The following ZNF487 variants were observed in gnomAD, a reference collection of about 807,000 sequenced individuals.
ZNF487 encodes the protein zinc finger protein 487.
Under a neutral mutation model 3.0 loss-of-function variants are expected in ZNF487, and 4 were observed. The observed-to-expected ratio is 1.35, with a 90% CI of 0.66 to 3.08. ZNF487 has a LOEUF of 3.08. Ranked by LOEUF, ZNF487 falls within the 30% of genes most tolerant of loss-of-function variation. ZNF487 has a pLI of 0.01. For synonymous variants in ZNF487, 55 were observed against 34.6 expected (o/e 1.59, Z -2.06); for missense variants, 146 against 98.7 (o/e 1.48, Z -2.03).
chr10:43,520,108 C>T, the ZNF487 span, among the ~76,000 whole-genome samples: 2 of 152,144 alleles, frequency 1.3e-5, no homozygotes, highest in South Asian at 4.1e-4. Flanking sequence ...TTCATGTACA[C>T]AAAATGACTG....
chr10:43,514,071 G>A, the ZNF487 span, among the ~76,000 whole-genome samples: 20 of 152,156 alleles, frequency 1.3e-4, no homozygotes, highest in African/African-American at 4.6e-4. Flanking sequence ...AGGGGTTCTG[G>A]ATCTGTAAAC....
At chr10:43,520,685 G>C in the ZNF487 span, among the ~76,000 whole-genome samples, 1 of 152,220 alleles carries the variant, frequency 6.6e-6, no homozygotes, top group Non-Finnish European at 1.5e-5. Flanking sequence ...TAACTGTAAA[G>C]ATTTATGAAG....
At chr10:43,437,528 C>G (rs1218216218) in intron 1 of ZNF487, among the ~76,000 whole-genome samples, 1 of 152,080 alleles carries the variant, frequency 6.6e-6, no homozygotes, top group Non-Finnish European at 1.5e-5. Context: ...GAGTCCTGGA[C>G]GAGTGACCCT....
rs143170232 is a variant in ZNF487 at position 43,482,124 on chromosome 10, A to G, written c.*202A>G. On this transcript the variant is annotated 3_prime_UTR_variant, in exon 4 of 4. Coordinates refer to ENST00000437590, the MANE Select transcript of ZNF487 (RefSeq NM_001355444.3). ...GTGAGAATAGTTTTGGCAAGAAATC[A>G]CTCCTCATTCTACAAAGTTACAGAG... 1 of 565,380 alleles carries G rather than the reference A, an allele frequency of 1.8e-6. No individual in the cohort carries two copies. The highest frequency in any genetic ancestry group is 3.3e-5 in the Admixed American group (1 of 30,480). 35.0% of individuals were successfully genotyped at this position (565,380 alleles called of 1,614,324 possible). A position where few individuals can be genotyped will look rare whatever the true frequency, so the allele number is the denominator to read the frequency against.
intron 1 of ZNF487, among the ~76,000 whole-genome samples, chr10:43,468,861 C>T (rs1374238916): frequency 2.0e-5 from 3 of 148,542 alleles, no homozygotes; most frequent in South Asian, 2.2e-4. Context: ...TAGTGGTGGG[C>T]GCCTGTAGTC....
At chr10:43,442,268 CAAAAAA>C (rs1215789961) in intron 1 of ZNF487, among the ~76,000 whole-genome samples, 1 of 133,672 alleles carries the variant, frequency 7.5e-6, no homozygotes, top group African/African-American at 2.7e-5. Flanking sequence ...ACAACAACAA[CAAAAAA>C]AAAACAAAGA....
the ZNF487 span, among the ~76,000 whole-genome samples, chr10:43,493,506 C>T: frequency 1.3e-5 from 2 of 151,124 alleles, no homozygotes; most frequent in East Asian, 2.0e-4. Context: ...TCAGCCTGGG[C>T]GACATGGCGA....
At chr10:43,496,400 G>A in the ZNF487 span, among the ~76,000 whole-genome samples, 2 of 152,118 alleles carry the variant, frequency 1.3e-5, no homozygotes, top group South Asian at 2.1e-4. Context: ...GAAGCTATAA[G>A]CCTGGCTGAG....
intron 1 of ZNF487, among the ~76,000 whole-genome samples, chr10:43,448,741 T>C (rs947984193): frequency 6.6e-6 from 1 of 151,960 alleles, no homozygotes; most frequent in Middle Eastern, 3.2e-3. Context: ...CGCTTGAACC[T>C]TGGAGATGGA....
At chr10:43,476,341 A>T in intron 3 of ZNF487, 139 bp downstream of exon 3, 1 of 594,752 alleles carries the variant, frequency 1.7e-6, no homozygotes, top group African/African-American at 1.9e-5. Flanking sequence ...GACTAAGAAG[A>T]GTTGGCCTGC....
At chr10:43,510,047 A>G in the ZNF487 span, among the ~76,000 whole-genome samples, 2 of 152,250 alleles carry the variant, frequency 1.3e-5, no homozygotes, top group African/African-American at 2.4e-5. Context: ...TAAAGTTAAC[A>G]ATACATAAAT....
At chr10:43,456,875 C>T (rs778067842) in intron 1 of ZNF487, among the ~76,000 whole-genome samples, 13 of 152,148 alleles carry the variant, frequency 8.5e-5, no homozygotes, top group Non-Finnish European at 1.6e-4. Context: ...GCCACTGCTC[C>T]TGGCCAAGAA....
chr10:43,517,036 G>A, the ZNF487 span, among the ~76,000 whole-genome samples: 5 of 152,196 alleles, frequency 3.3e-5, no homozygotes, highest in Admixed American at 1.3e-4. Context: ...TCTCAACTGC[G>A]TCCAAATTTC....
the ZNF487 span, among the ~76,000 whole-genome samples, chr10:43,497,923 C>T: frequency 6.1e-5 from 9 of 148,358 alleles, no homozygotes; most frequent in Middle Eastern, 3.6e-3. Flanking sequence ...GCCGAGATTG[C>T]GCCACTGCCC....
intron 3 of ZNF487, among the ~76,000 whole-genome samples, chr10:43,480,159 G>A (rs1380371605): frequency 1.3e-5 from 2 of 148,840 alleles, no homozygotes; most frequent in Non-Finnish European, 3.0e-5. Flanking sequence ...CCAGGCTGGA[G>A]TGCAGTGGCA....
chr10:43,488,349 A>C, the ZNF487 span, among the ~76,000 whole-genome samples: 1 of 152,210 alleles, frequency 6.6e-6, no homozygotes, highest in East Asian at 1.9e-4. Context: ...CTAAACTGAA[A>C]ATAATTATGA....
At chr10:43,471,841 G>A (rs1288739886) in intron 1 of ZNF487, among the ~76,000 whole-genome samples, 1 of 152,170 alleles carries the variant, frequency 6.6e-6, no homozygotes, top group Non-Finnish European at 1.5e-5. Flanking sequence ...AAATGTTAAA[G>A]TGAAGACACC....
intron 1 of ZNF487, among the ~76,000 whole-genome samples, chr10:43,447,407 A>T (rs1261442413): frequency 6.6e-6 from 1 of 151,802 alleles, no homozygotes; most frequent in Non-Finnish European, 1.5e-5. Flanking sequence ...ATGCCCAGCT[A>T]ATTTCTGTAT....
At chr10:43,484,127 C>A (rs556870183), downstream of ZNF487, among the ~76,000 whole-genome samples, 1 of 152,062 alleles carries the variant, frequency 6.6e-6, no homozygotes, top group Non-Finnish European at 1.5e-5. Context: ...CTTTGGCCCC[C>A]CAAAGTGCTG....
Sources: gnomAD v4.1 joint callset for allele counts (sites outside exome capture counted in the v4.1 genomes callset) on GRCh38, gnomAD v4.1.1 for gene constraint, MANE v1.5 for transcripts, NCBI Gene and HGNC (gene_info 2026-07-23, HGNC 2026-07-21) for gene names.